The following RASGRP2 variants were observed in gnomAD, a reference collection of about 807,000 sequenced individuals.
RASGRP2 encodes RAS guanyl-releasing protein 2.
RASGRP2 carries 44 observed loss-of-function variants against 71.0 expected under a neutral mutation model. That is an observed-to-expected ratio of 0.62 (90% CI 0.49 to 0.80). The LOEUF is 0.80. RASGRP2 is among the 30% of genes least tolerant of loss of function. The probability of loss-of-function intolerance (pLI) is 0.00; values close to 1 mark genes in which losing one functional copy is unlikely to be tolerated. For missense variants in RASGRP2, 663 were observed against 813.4 expected (o/e 0.82, Z 2.25); for synonymous variants, 350 against 330.7 (o/e 1.06, Z -0.63).
Position 64,741,997 on chromosome 11 carries a change from C to A in RASGRP2, c.176+13G>T. ...CCGACGGCGGGGGCCTTGGCAAGGC[C>A]GGCGAAGGATATATGTGGAGCAGCT... is the stretch of plus-strand genomic sequence containing the variant. On this transcript the variant is annotated intron_variant, in intron 3 of 16. Transcript: ENST00000394432. 6.3e-7 allele frequency: 1 copy of A among 1,599,816 alleles called. No individual in the cohort carries two copies. The highest frequency in any genetic ancestry group is 8.5e-7 in the Non-Finnish European group (1 of 1,173,398).
In RASGRP2 at chr11:64,742,487, G is replaced by A; in HGVS notation, c.73+307C>T. ...CCCATTAGCCGGAAACAGCTCCCAG[G>A]CCGGAGATAGCGAGTTCCTCCGGAT... On this transcript the variant is annotated intron_variant, in intron 2 of 16. Transcript: ENST00000394432. This position sits in a 1 kb window ranked among gnomAD's most constrained non-coding sequence, Gnocchi z 4.7. The A allele has an allele frequency of 3.5e-6, 2 of 570,694 alleles. No individual in the cohort carries two copies. Among genetic ancestry groups the A allele is most frequent in the Non-Finnish European group, 3.1e-6 (1 of 318,382 alleles). 35.4% of individuals were successfully genotyped at this position (570,694 alleles called of 1,614,324 possible). A position where few individuals can be genotyped will look rare whatever the true frequency, so the allele number is the denominator to read the frequency against.
At chr11:64,731,698 C>T (rs927939931) in intron 12 of RASGRP2, among the ~76,000 whole-genome samples, 8 of 152,182 alleles carry the variant, frequency 5.3e-5, no homozygotes, top group African/African-American at 1.9e-4. Flanking sequence ...AAAAGATACC[C>T]TACCCCCATT....
Position 64,742,265 on chromosome 11 carries a change from A to G in RASGRP2, c.74-153T>C, listed in dbSNP as rs750278311. On this transcript the variant is annotated intron_variant, in intron 2 of 16. Transcript: ENST00000394432. The surrounding 1 kb of genome is among the most constrained non-coding windows in gnomAD (Gnocchi z 4.7). ...CCCAGGACTCCGAGAGCAGGAGGCA[A>G]ATTAGAGAGGAAAGGTGTGGTGGGC... Among the ~76,000 whole-genome samples, 21 of 151,910 alleles carry G rather than the reference A, an allele frequency of 1.4e-4. No homozygotes were observed. The highest frequency in any genetic ancestry group is 2.9e-4 in the Non-Finnish European group (20 of 67,964).
At chr11:64,729,727 A>C (rs2135728677) in intron 14 of RASGRP2, 35 bp downstream of exon 14, 1 of 1,609,962 alleles carries the variant, frequency 6.2e-7, no homozygotes, top group Non-Finnish European at 8.5e-7. Context: ...AAAAAAAAAC[A>C]CTGCCCAGCA....
intron 9 of RASGRP2, 92 bp from the exon 10 acceptor site, chr11:64,736,072 T>TGATACTGATCCAGAGA: frequency 2.6e-5 from 1 of 38,742 alleles, no homozygotes. Flanking sequence ...ACAGCTCAGC[T>TGATACTGATCCAGAGA]CAGAGCTCGG....
Position 64,727,048 on chromosome 11 carries a change from C to A in RASGRP2, c.*90G>T, listed in dbSNP as rs2057585268. Reference sequence around the variant, plus strand: ...CCTCATATCCCACCCCCATCCCCAGCCTCCTGCCCCGACACCCCCAGGCTC... The same window carrying A: ...CCTCATATCCCACCCCCATCCCCAGACTCCTGCCCCGACACCCCCAGGCTC... On this transcript the variant is annotated 3_prime_UTR_variant, in exon 17 of 17. Transcript: ENST00000394432. The A allele has an allele frequency of 1.1e-5, 5 of 440,340 alleles. No homozygotes were observed. The highest frequency in any genetic ancestry group is 8.3e-5 in the South Asian group (4 of 48,260). The allele number at this position is 440,340 out of a possible 1,614,324, so 27.3% of individuals were successfully genotyped here. A position where few individuals can be genotyped will look rare whatever the true frequency, so the allele number is the denominator to read the frequency against.
intron 8 of RASGRP2, among the ~76,000 whole-genome samples, chr11:64,738,210 G>C (rs972862171): frequency 4.6e-5 from 7 of 152,124 alleles, no homozygotes; most frequent in African/African-American, 7.2e-5. Context: ...TCCATTCATA[G>C]AAAGTTCAAA....
Position 64,735,437 on chromosome 11 carries a change from G to T in RASGRP2, c.1296+105C>A. The T allele has an allele frequency of 6.3e-7, 1 of 1,589,882 alleles. No homozygotes were observed. The highest frequency in any genetic ancestry group is 8.6e-7 in the Non-Finnish European group (1 of 1,165,784). ...CCTGCCAGGCCCTGTGACTCCTAGGGGCTGAGTGCTGGGTCTTGAACAGGA... is the reference window on the plus strand; with the variant it reads ...CCTGCCAGGCCCTGTGACTCCTAGGTGCTGAGTGCTGGGTCTTGAACAGGA... On this transcript the variant is annotated intron_variant, in intron 11 of 16. Coordinates refer to ENST00000394432, the MANE Select transcript of RASGRP2 (RefSeq NM_001098671.2). This position sits in a 1 kb window ranked among gnomAD's most constrained non-coding sequence, Gnocchi z 4.2.
Position 64,739,140 on chromosome 11 carries a change from T to TAAA in RASGRP2, c.813+217_813+219dup, listed in dbSNP as rs765864450. 7.4e-6 allele frequency among the ~76,000 whole-genome samples: 1 copy of TAAA among 134,962 alleles called. No individual in the cohort carries two copies. The highest frequency in any genetic ancestry group is 2.7e-5 in the African/African-American group (1 of 36,694). 88.5% of individuals were successfully genotyped at this position (134,962 alleles called of 152,430 possible). On this transcript the variant is annotated intron_variant, in intron 8 of 16. Coordinates refer to ENST00000394432, the MANE Select transcript of RASGRP2 (RefSeq NM_001098671.2). This position sits in a 1 kb window ranked among gnomAD's most constrained non-coding sequence, Gnocchi z 4.2. ...GACAACAGAGAGAGAGACCCTGTCT[T>TAAA]AAAAAAAAAAAAAAAAGTACTAGCT...
chr11:64,727,135 G>T lies in RASGRP2; in HGVS notation c.*7-4C>A. 1.5e-6 allele frequency: 1 copy of T among 648,294 alleles called. No individual in the cohort carries two copies. Among genetic ancestry groups the T allele is most frequent in the Non-Finnish European group, 2.8e-6 (1 of 354,310 alleles). 40.2% of individuals were successfully genotyped at this position (648,294 alleles called of 1,614,324 possible). ...TGAGTCCTTGATCCAACCACAGCTG[G>T]GAAGAGAAAAACAGGTTGTGAGGAA... On this transcript the variant is annotated splice_region_variant and splice_polypyrimidine_tract_variant and intron_variant, in intron 16 of 16. Coordinates refer to ENST00000394432, the MANE Select transcript of RASGRP2 (RefSeq NM_001098671.2).
At position 64,742,612 on chromosome 11, in the gene RASGRP2, T is replaced by C; in HGVS notation, c.73+182A>G. On this transcript the variant is annotated intron_variant, in intron 2 of 16. Coordinates refer to ENST00000394432, the MANE Select transcript of RASGRP2 (RefSeq NM_001098671.2). This position sits in a 1 kb window ranked among gnomAD's most constrained non-coding sequence, Gnocchi z 4.7. ...GGCTAGAGAAGGGAAACCTCATCTG[T>C]CTGAAGGGCGTGCATCTCTCTGCCC... The C allele has an allele frequency of 1.2e-6, 1 of 816,744 alleles. No homozygotes were observed. The highest frequency in any genetic ancestry group is 2.7e-5 in the East Asian group (1 of 37,228). 50.6% of individuals were successfully genotyped at this position (816,744 alleles called of 1,614,324 possible).
upstream of RASGRP2, chr11:64,744,251 C>G: frequency 1.0e-6 from 1 of 985,764 alleles, no homozygotes. Context: ...CCCTGCGGCC[C>G]CAGCTCCCTG....
Position 64,742,089 on chromosome 11 carries a change from G to T in RASGRP2, c.97C>A (p.Pro33Thr). The T allele has an allele frequency of 6.2e-7, 1 of 1,604,232 alleles. No individual in the cohort carries two copies. Among genetic ancestry groups the T allele is most frequent in the Non-Finnish European group, 8.5e-7 (1 of 1,175,372 alleles). Reference protein sequence around the residue: ...AFDDSGKVRDPQLVRMFLMMH... With the variant: ...AFDDSGKVRDTQLVRMFLMMH... ...ATGAGGAACATGCGCACCAGCTGCG[G>T]GTCCCGCACCTTCCCGGAGTCATCT... Residue 33 changes from proline (P) to threonine (T), a missense_variant, in exon 3 of 17, where the codon CCG (proline) becomes ACG (threonine). Coordinates refer to ENST00000394432, the MANE Select transcript of RASGRP2 (RefSeq NM_001098671.2). This position sits in a 1 kb window ranked among gnomAD's most constrained non-coding sequence, Gnocchi z 4.7.
At chr11:64,744,853 G>GCCCCGCTCCCCGCCGCCCCGC (rs1366464681), upstream of RASGRP2, 1 of 146,608 alleles carries the variant, frequency 6.8e-6, no homozygotes, top group East Asian at 2.0e-4. Context: ...CCACGCCGCG[G>GCCCCGCTCCCCGCCGCCCCGC]CCCCGCTCCC....
Position 64,742,334 on chromosome 11 carries a change from A to G in RASGRP2, c.74-222T>C, listed in dbSNP as rs997249409. Among the ~76,000 whole-genome samples, 9 of 152,030 alleles carry G rather than the reference A, an allele frequency of 5.9e-5. No individual in the cohort carries two copies. The highest frequency in any genetic ancestry group is 1.0e-4 in the Non-Finnish European group (7 of 67,984). On this transcript the variant is annotated intron_variant, in intron 2 of 16. Coordinates refer to ENST00000394432, the MANE Select transcript of RASGRP2 (RefSeq NM_001098671.2). This position sits in a 1 kb window ranked among gnomAD's most constrained non-coding sequence, Gnocchi z 4.7. ...GAGGACTGGAGGAGGGGAGCGCCCG[A>G]GCCGCCCATCGTCCGGAGGGGAACC...
At chr11:64,727,222 C>G (rs1026450622) in intron 16 of RASGRP2, 74 bp downstream of exon 16, 6 of 1,363,720 alleles carry the variant, frequency 4.4e-6, no homozygotes, top group Middle Eastern at 1.8e-4. Context: ...ATAAAGCACC[C>G]ATTTCCCTGA....
chr11:64,741,767 C>T lies in RASGRP2; in HGVS notation c.176+243G>A, dbSNP rs2959651. Among the ~76,000 whole-genome samples the T allele has an allele frequency of 0.92, 139,867 of 152,140 alleles. 65,470 individuals carry two copies. Among genetic ancestry groups the T allele is most frequent in the East Asian group, 1 (5,162 of 5,162 alleles). Reference sequence around the variant, plus strand: ...CCAAGCCTGAAGCAGGGGCAGGCCCCAGACTCTAGGGAGAAGGAGGGCAAG... The same window carrying T: ...CCAAGCCTGAAGCAGGGGCAGGCCCTAGACTCTAGGGAGAAGGAGGGCAAG... On this transcript the variant is annotated intron_variant, in intron 3 of 16. Transcript: ENST00000394432.
At position 64,734,934 on chromosome 11, in the gene RASGRP2, G is replaced by A. The variant is rs1017873243; in HGVS notation, c.1412+178C>T. On this transcript the variant is annotated intron_variant, in intron 12 of 16. Transcript: ENST00000394432. ...GTCTGAATTTGTGAGATACCACTGC[G>A]CCTCCACAGCTGGCAGCCTCTCCTC... Among the ~76,000 whole-genome samples, 7 of 152,210 alleles carry A rather than the reference G, an allele frequency of 4.6e-5. No homozygotes were observed. The South Asian group carries it at 6.2e-4, about 14-fold the overall frequency.
chr11:64,742,897 G>A lies in RASGRP2; in HGVS notation c.-31C>T. On this transcript the variant is annotated 5_prime_UTR_variant, in exon 2 of 17. Transcript: ENST00000394432. This position sits in a 1 kb window ranked among gnomAD's most constrained non-coding sequence, Gnocchi z 4.7. ...CCGGCGCGGGGTGGGCTGGGCCCAG[G>A]CTGCGCTCCGGGAGCCTCCCACCGG... is the stretch of plus-strand genomic sequence containing the variant. 1 of 1,560,640 alleles carries A rather than the reference G, an allele frequency of 6.4e-7. No homozygotes were observed. The highest frequency in any genetic ancestry group is 8.6e-7 in the Non-Finnish European group (1 of 1,157,676).
Sources: allele counts gnomAD v4.1 joint callset (sites outside exome capture counted in the v4.1 genomes callset), GRCh38; gene constraint gnomAD v4.1.1; non-coding constraint Gnocchi (gnomAD v3.1); transcripts MANE v1.5; gene names NCBI Gene and HGNC (gene_info 2026-07-23, HGNC 2026-07-21).